SDCCAG8: variants seen among roughly 807,000 people sequenced by gnomAD.
SDCCAG8 encodes serologically defined colon cancer antigen 8.
A neutral mutation model predicts 101.8 loss-of-function variants in SDCCAG8; 74 were observed. That is an observed-to-expected ratio of 0.73 (90% CI 0.60 to 0.88). SDCCAG8 has a LOEUF of 0.88. Among genes scored for constraint, SDCCAG8 ranks in the 40% least tolerant of loss-of-function variants. SDCCAG8 has a pLI of 0.00. For synonymous variants in SDCCAG8, 281 were observed against 292.9 expected, an observed-to-expected ratio of 0.96 and a Z score of 0.41; for missense variants, 787 against 822.6, an observed-to-expected ratio of 0.96 and a Z score of 0.53.
intron 12 of SDCCAG8, among the ~76,000 whole-genome samples, chr1:243,358,575 G>T (rs972444637): frequency 6.6e-6 from 1 of 152,130 alleles, no homozygotes; most frequent in African/African-American, 2.4e-5. Context: ...TCAACATAGA[G>T]ATATCATATG....
At chr1:243,418,731 C>T (rs998505226) in intron 15 of SDCCAG8, among the ~76,000 whole-genome samples, 6 of 152,084 alleles carry the variant, frequency 3.9e-5, no homozygotes, top group Non-Finnish European at 2.9e-5. Flanking sequence ...ATCTCAGCTC[C>T]GACAGTAACT....
chr1:243,455,249 C>G (rs2083655823), intron 16 of SDCCAG8, among the ~76,000 whole-genome samples: 1 of 152,088 alleles, frequency 6.6e-6, no homozygotes. Flanking sequence ...ACGTTAATTG[C>G]TTTACTTCCA....
At chr1:243,297,694 G>C (rs893798088) in intron 6 of SDCCAG8, among the ~76,000 whole-genome samples, 1 of 152,270 alleles carries the variant, frequency 6.6e-6, no homozygotes, top group East Asian at 1.9e-4. Flanking sequence ...TAGTGTGATT[G>C]AGTATTGTTT....
intron 1 of SDCCAG8, among the ~76,000 whole-genome samples, chr1:243,261,653 G>A (rs1489209544): frequency 6.6e-6 from 1 of 152,120 alleles, no homozygotes; most frequent in Non-Finnish European, 1.5e-5. Flanking sequence ...AAACATATGT[G>A]TAACTCAAAT....
chr1:243,353,672 C>G (rs1403283286), intron 12 of SDCCAG8, among the ~76,000 whole-genome samples: 2 of 151,882 alleles, frequency 1.3e-5, no homozygotes, highest in East Asian at 3.9e-4. Context: ...TATAACTGAC[C>G]TCCATTATTT....
intron 13 of SDCCAG8, among the ~76,000 whole-genome samples, chr1:243,379,960 C>T (rs2147909294): frequency 6.6e-6 from 1 of 152,300 alleles, no homozygotes; most frequent in Middle Eastern, 3.4e-3. Context: ...GTTGGTGAAC[C>T]TCCCAAAGTT....
At chr1:243,296,646 C>T (rs911543447) in intron 6 of SDCCAG8, among the ~76,000 whole-genome samples, 1 of 148,072 alleles carries the variant, frequency 6.8e-6, no homozygotes, top group Non-Finnish European at 1.5e-5. Flanking sequence ...GGGTTCACGC[C>T]ATTCTCCTGC....
intron 12 of SDCCAG8, among the ~76,000 whole-genome samples, chr1:243,371,473 T>C (rs1241440215): frequency 6.6e-6 from 1 of 152,110 alleles, no homozygotes; most frequent in Non-Finnish European, 1.5e-5. Context: ...AATTTTAAAA[T>C]ATAAAATGCT....
intron 12 of SDCCAG8, among the ~76,000 whole-genome samples, chr1:243,374,088 A>G (rs1250049752): frequency 2.0e-5 from 3 of 152,092 alleles, no homozygotes; most frequent in African/African-American, 7.2e-5. Flanking sequence ...AGTGTCCGTA[A>G]AAACAAGAAA....
At chr1:243,307,952 C>T (rs1365596013) in intron 7 of SDCCAG8, 37 bp from the exon 8 acceptor site, 1 of 1,609,970 alleles carries the variant, frequency 6.2e-7, no homozygotes, top group Non-Finnish European at 8.5e-7. Context: ...GTAATTTTAC[C>T]TGGCCATTTT....
chr1:243,259,895 G>A (rs928619983), intron 1 of SDCCAG8, among the ~76,000 whole-genome samples: 12 of 152,096 alleles, frequency 7.9e-5, no homozygotes, highest in African/African-American at 2.9e-4. Context: ...TACTATTATG[G>A]TATATCAATA....
At chr1:243,258,962 C>T (rs955340584) in intron 1 of SDCCAG8, among the ~76,000 whole-genome samples, 3 of 142,762 alleles carry the variant, frequency 2.1e-5, no homozygotes, top group African/African-American at 4.9e-5. Flanking sequence ...TTGGTCTTTC[C>T]TCACCGGTTT....
chr1:243,468,759 C>T (rs1191267952), intron 16 of SDCCAG8, among the ~76,000 whole-genome samples: 1 of 152,190 alleles, frequency 6.6e-6, no homozygotes, highest in Non-Finnish European at 1.5e-5. Flanking sequence ...AGAAAGAGCT[C>T]AATACATATT....
At chr1:243,463,461 A>G (rs1659528234) in intron 16 of SDCCAG8, among the ~76,000 whole-genome samples, 1 of 152,212 alleles carries the variant, frequency 6.6e-6, no homozygotes, top group South Asian at 2.1e-4. Flanking sequence ...GACATCCCCA[A>G]TATGAGGACA....
chr1:243,440,141 T>C (rs1331935761), intron 16 of SDCCAG8, among the ~76,000 whole-genome samples: 1 of 152,180 alleles, frequency 6.6e-6, no homozygotes, highest in Non-Finnish European at 1.5e-5. Flanking sequence ...GGTGAGTCAG[T>C]GTCTTCATTA....
chr1:243,318,856 G>T (rs191800947), intron 9 of SDCCAG8, among the ~76,000 whole-genome samples: 291 of 152,224 alleles, frequency 1.9e-3, no homozygotes, highest in Admixed American at 3.3e-3. Context: ...CTTACTCTCA[G>T]GTCCTATTCC....
chr1:243,356,419 G>C (rs1484368361), intron 12 of SDCCAG8, among the ~76,000 whole-genome samples: 1 of 98,264 alleles, frequency 1.0e-5, no homozygotes, highest in Non-Finnish European at 2.3e-5. Context: ...AAAAGTAGTG[G>C]CGGGGGGGTG....
At chr1:243,335,945 C>G (rs946000563) in intron 10 of SDCCAG8, among the ~76,000 whole-genome samples, 11 of 152,200 alleles carry the variant, frequency 7.2e-5, no homozygotes, top group African/African-American at 2.4e-4. Flanking sequence ...CCACTTGCGT[C>G]CATGTTCCTG....
intron 16 of SDCCAG8, among the ~76,000 whole-genome samples, chr1:243,485,054 A>AAAAAAG (rs112460513): frequency 3.1e-4 from 46 of 149,586 alleles, no homozygotes; most frequent in African/African-American, 1.1e-3. Context: ...AAAAAAAAAA[A>AAAAAAG]AAGAAGAAGA....
Sources: gnomAD v4.1 joint callset for allele counts (sites outside exome capture counted in the v4.1 genomes callset) on GRCh38, gnomAD v4.1.1 for gene constraint, MANE v1.5 for transcripts, NCBI Gene and HGNC (gene_info 2026-07-23, HGNC 2026-07-21) for gene names.